SLAIN2: variants seen among roughly 807,000 people sequenced by gnomAD.
SLAIN2 encodes SLAIN family member 2.
A neutral mutation model predicts 56.6 loss-of-function variants in SLAIN2; 31 were observed. That is an observed-to-expected ratio of 0.55 (90% CI 0.41 to 0.74). SLAIN2 has a LOEUF of 0.74. Among genes scored for constraint, SLAIN2 ranks in the 30% least tolerant of loss-of-function variants. SLAIN2 has a pLI of 0.00. For missense variants in SLAIN2, 777 were observed against 754.2 expected (o/e 1.03, Z -0.35); for synonymous variants, 317 against 284.9 (o/e 1.11, Z -1.13).
At chr4:48,400,352 C>T (rs1384968533) in intron 6 of SLAIN2, among the ~76,000 whole-genome samples, 15 of 144,710 alleles carry the variant, frequency 1.0e-4, no homozygotes, top group African/African-American at 3.9e-4. Flanking sequence ...TGGTGATATT[C>T]TCCTTATAAT....
chr4:48,354,177 G>A (rs935666830), intron 1 of SLAIN2, among the ~76,000 whole-genome samples: 3 of 151,964 alleles, frequency 2.0e-5, no homozygotes, highest in African/African-American at 7.3e-5. Flanking sequence ...TAAAATAGTA[G>A]GAACAAGTAT....
intron 6 of SLAIN2, among the ~76,000 whole-genome samples, chr4:48,388,430 G>T (rs1355738410): frequency 3.3e-5 from 5 of 152,102 alleles, no homozygotes; most frequent in African/African-American, 4.8e-5. Flanking sequence ...GGAATAATTG[G>T]TTGAGAAATA....
chr4:48,386,644 T>C (rs770852486), intron 6 of SLAIN2, among the ~76,000 whole-genome samples: 5 of 152,212 alleles, frequency 3.3e-5, no homozygotes, highest in Non-Finnish European at 5.9e-5. Context: ...CCAAGTCTTA[T>C]TGTGAACTCT....
At chr4:48,365,549 GTTTATTTA>G (rs200595702) in intron 1 of SLAIN2, among the ~76,000 whole-genome samples, 1 of 151,166 alleles carries the variant, frequency 6.6e-6, no homozygotes, top group African/African-American at 2.4e-5. Context: ...GCTACTTTGG[GTTTATTTA>G]TTTATTTATT....
At chr4:48,343,084 T>A (rs1297379575) in intron 1 of SLAIN2, among the ~76,000 whole-genome samples, 7 of 152,246 alleles carry the variant, frequency 4.6e-5, no homozygotes, top group Admixed American at 4.6e-4. Context: ...AAAATGTCTC[T>A]GCTCTATTGA....
intron 6 of SLAIN2, chr4:48,394,707 C>G: frequency 6.9e-7 from 1 of 1,459,460 alleles, no homozygotes; most frequent in Non-Finnish European, 9.2e-7. Context: ...CTAGTTAAAT[C>G]TTAAGCCATT....
intron 6 of SLAIN2, among the ~76,000 whole-genome samples, chr4:48,388,491 C>A (rs1716156135): frequency 6.6e-6 from 1 of 152,080 alleles, no homozygotes; most frequent in Non-Finnish European, 1.5e-5. Context: ...AAATGATACC[C>A]AAATTTTATT....
chr4:48,367,284 G>GTC (rs1453258661), intron 1 of SLAIN2, among the ~76,000 whole-genome samples: 2 of 152,140 alleles, frequency 1.3e-5, no homozygotes, highest in African/African-American at 4.8e-5. Flanking sequence ...TAGACTTCAG[G>GTC]TAGTAATACA....
At chr4:48,379,332 C>T (rs1715912980) in intron 3 of SLAIN2, among the ~76,000 whole-genome samples, 1 of 152,118 alleles carries the variant, frequency 6.6e-6, no homozygotes, top group South Asian at 2.1e-4. Context: ...ACATCATAAA[C>T]TCATCTATTT....
chr4:48,387,584 T>C (rs1464451747), intron 6 of SLAIN2: 2 of 152,008 alleles, frequency 1.3e-5, no homozygotes, highest in African/African-American at 4.8e-5. Flanking sequence ...TTTGTAGCTG[T>C]AGTAAAGCTT....
chr4:48,366,626 T>G (rs1211205946), intron 1 of SLAIN2, among the ~76,000 whole-genome samples: 1 of 152,234 alleles, frequency 6.6e-6, no homozygotes, highest in East Asian at 1.9e-4. Flanking sequence ...TTCTTTTACT[T>G]TCAACCTATT....
Position 48,341,982 on chromosome 4 carries a change from G to A in SLAIN2, c.243G>A (p.Ser81=), listed in dbSNP as rs1413249055. The A allele has an allele frequency of 1.4e-6, 2 of 1,429,364 alleles. No homozygotes were observed. Among genetic ancestry groups the A allele is most frequent in the East Asian group, 6.0e-5 (2 of 33,410 alleles). The allele number at this position is 1,429,364 out of a possible 1,614,324, so 88.5% of individuals were successfully genotyped here. The change falls in exon 1 of 8, where the codon TCG becomes TCA. Residue 81 remains serine (S), a synonymous_variant. Transcript: ENST00000264313. The stretch of plus-strand genomic sequence containing the variant: ...CCAAGTCGGGCGGCGGGCCCGGGTC[G>A]GGCCCGAGGCGGACGAGTAGCGAAG... The part of the protein sequence containing the change: ...LSAKSGGGPG[S]GPRRTSSEEL...
At chr4:48,353,819 C>T (rs1014852129) in intron 1 of SLAIN2, among the ~76,000 whole-genome samples, 1 of 151,998 alleles carries the variant, frequency 6.6e-6, no homozygotes, top group African/African-American at 2.4e-5. Context: ...ACAGTCCGTA[C>T]TTGATGAGAT....
At chr4:48,378,297 G>T (rs531521994) in intron 3 of SLAIN2, among the ~76,000 whole-genome samples, 5 of 152,228 alleles carry the variant, frequency 3.3e-5, no homozygotes, top group Non-Finnish European at 5.9e-5. Context: ...CTAAAAGTTT[G>T]TAAGTCTGGC....
At chr4:48,352,037 A>C (rs1056501616) in intron 1 of SLAIN2, among the ~76,000 whole-genome samples, 2 of 152,326 alleles carry the variant, frequency 1.3e-5, no homozygotes. Context: ...ACAAGTGAGA[A>C]AGCTGAATCA....
chr4:48,383,198 A>G (rs1436884684), intron 5 of SLAIN2, among the ~76,000 whole-genome samples: 1 of 150,532 alleles, frequency 6.6e-6, no homozygotes, highest in African/African-American at 2.4e-5. Context: ...AAGTTTCTAG[A>G]TTAAAAAAAG....
In SLAIN2 at chr4:48,420,114, C is replaced by T. The variant is rs1217110110; in HGVS notation, c.1361-11C>T. The T allele has an allele frequency of 1.9e-6, 3 of 1,610,930 alleles. No individual in the cohort carries two copies. The highest frequency in any genetic ancestry group is 2.5e-6 in the Non-Finnish European group (3 of 1,177,940). On this transcript the variant is annotated splice_polypyrimidine_tract_variant and intron_variant, in intron 6 of 7. Transcript: ENST00000264313. ...CCACTCAAAAATTGGTTTTTCTTTG[C>T]CATCCCACAGTACCTTCTCCAGGCA...
rs559174207 is a variant in SLAIN2 at position 48,346,754 on chromosome 4, T to C, written c.389+4626T>C. Among the ~76,000 whole-genome samples, 6 of 152,262 alleles carry C rather than the reference T, an allele frequency of 3.9e-5. No homozygotes were observed. The South Asian group carries it at 1.2e-3, about 32-fold the overall frequency. On this transcript the variant is annotated intron_variant, in intron 1 of 7. Coordinates refer to ENST00000264313, the MANE Select transcript of SLAIN2 (RefSeq NM_020846.2). Reference sequence around the variant, plus strand: ...TAGACTCTTCTGTACCAAGGAGATGTTACTTTAAAGTAATGTGGTTTGTGT... The same window carrying C: ...TAGACTCTTCTGTACCAAGGAGATGCTACTTTAAAGTAATGTGGTTTGTGT...
intron 1 of SLAIN2, among the ~76,000 whole-genome samples, chr4:48,360,739 C>T (rs1715304874): frequency 6.6e-6 from 1 of 152,148 alleles, no homozygotes; most frequent in African/African-American, 2.4e-5. Flanking sequence ...AAAAGAAACC[C>T]TGTGCTCATT....
Sources: gnomAD v4.1 joint callset for allele counts (sites outside exome capture counted in the v4.1 genomes callset) on GRCh38, gnomAD v4.1.1 for gene constraint, MANE v1.5 for transcripts, NCBI Gene and HGNC (gene_info 2026-07-23, HGNC 2026-07-21) for gene names.